The following ZRANB1 variants were observed in gnomAD, a reference collection of about 807,000 sequenced individuals.
The protein encoded by ZRANB1 is ubiquitin thioesterase ZRANB1.
In ZRANB1, 16 loss-of-function variants were observed where a neutral mutation model predicts 80.5. That is an observed-to-expected ratio of 0.20 (90% confidence interval 0.13 to 0.30). The LOEUF (loss-of-function observed/expected upper bound fraction) is 0.30, where lower values mean the gene tolerates loss of function less well. Among genes scored for constraint, ZRANB1 ranks in the 10% least tolerant of loss-of-function variants. ZRANB1 has a pLI of 1.00. For missense variants in ZRANB1, 576 were observed against 862.6 expected, an observed-to-expected ratio of 0.67 and a Z score of 4.16; for synonymous variants, 291 against 293.1, an observed-to-expected ratio of 0.99 and a Z score of 0.07.
At chr10:124,982,044 G>T (rs41303609) in intron 6 of ZRANB1, among the ~76,000 whole-genome samples, 23,921 of 150,482 alleles carry the variant, frequency 0.16, 1,938 homozygotes, top group East Asian at 0.21. Context: ...GATTAGCATC[G>T]CAAGTCCTCA....
intron 4 of ZRANB1, 94 bp from the exon 5 acceptor site, chr10:124,974,106 C>A: frequency 7.7e-7 from 1 of 1,299,412 alleles, no homozygotes; most frequent in Non-Finnish European, 1.1e-6. Context: ...TACATATAAA[C>A]CATTTTATAG....
In ZRANB1 at chr10:124,943,090, C is replaced by T. The variant is rs1241401066; in HGVS notation, c.597C>T (p.Asp199=). The change falls in exon 1 of 9, where the codon GAC becomes GAT. Residue 199 remains aspartate (D), a synonymous_variant. Transcript: ENST00000359653. ...CTTCTTCAATAATAAATGAGCAAGA[C>T]AGAGCTCGATGGAGGGGAAGTTGCA... is the stretch of plus-strand genomic sequence containing the variant. ...EEASSIINEQ[D]RARWRGSCSS... is the part of the protein sequence containing the mutation. 2 of 1,614,032 alleles carry T rather than the reference C, an allele frequency of 1.2e-6. No homozygotes were observed. Among genetic ancestry groups the T allele is most frequent in the African/African-American group, 2.7e-5 (2 of 74,906 alleles).
the ZRANB1 span, among the ~76,000 whole-genome samples, chr10:124,931,883 T>C: frequency 6.6e-6 from 1 of 152,208 alleles, no homozygotes; most frequent in African/African-American, 2.4e-5. Context: ...GTAGATTCTA[T>C]GGGCTTTGAC....
chr10:124,963,550 G>GTTTTTTTTTTTTTTTT (rs1564962032), intron 1 of ZRANB1, among the ~76,000 whole-genome samples: 1 of 75,158 alleles, frequency 1.3e-5, no homozygotes, highest in Non-Finnish European at 2.6e-5. Flanking sequence ...TTTTTTTTTT[G>GTTTTTTTTTTTTTTTT]TTTGTTTTTT....
At chr10:124,976,198 G>C (rs555920803) in intron 5 of ZRANB1, among the ~76,000 whole-genome samples, 44 of 152,314 alleles carry the variant, frequency 2.9e-4, no homozygotes, top group African/African-American at 1.0e-3. Flanking sequence ...GGAGATGGCT[G>C]TCTGGTAGTA....
At chr10:124,970,395 A>G (rs758773620) in intron 2 of ZRANB1, among the ~76,000 whole-genome samples, 3 of 151,956 alleles carry the variant, frequency 2.0e-5, no homozygotes, top group Non-Finnish European at 4.4e-5. Flanking sequence ...AGTAGCTGGG[A>G]CTACTGGTGC....
In ZRANB1 at chr10:124,987,835, T is replaced by C. The variant is rs1340355692; in HGVS notation, c.*2843T>C. The C allele has an allele frequency of 2.0e-5, 3 of 152,230 alleles. No individual in the cohort carries two copies. The highest frequency in any genetic ancestry group is 2.4e-5 in the African/African-American group (1 of 41,460). The allele number at this position is 152,230 out of a possible 1,614,324, so 9.4% of individuals were successfully genotyped here. A position where few individuals can be genotyped will look rare whatever the true frequency, so the allele number is the denominator to read the frequency against. ...TCATACCTGGAATTGTTGGACTTAA[T>C]TGACACTTGCAAATACTTTTAGTAT... On this transcript the variant is annotated 3_prime_UTR_variant, in exon 9 of 9. Transcript: ENST00000359653.
At chr10:124,928,482 A>G in the ZRANB1 span, among the ~76,000 whole-genome samples, 1 of 152,204 alleles carries the variant, frequency 6.6e-6, no homozygotes, top group Non-Finnish European at 1.5e-5. Flanking sequence ...TGTGGTATAT[A>G]TTAGAAGTGT....
At position 124,986,282 on chromosome 10, in the gene ZRANB1, CGCGCG is replaced by C; in HGVS notation, c.*1291_*1295del. The C allele has an allele frequency of 2.3e-4, 1 of 4,396 alleles. No homozygotes were observed. The allele number at this position is 4,396 out of a possible 1,614,324, so 0.3% of individuals were successfully genotyped here. A position where few individuals can be genotyped will look rare whatever the true frequency, so the allele number is the denominator to read the frequency against. ...AATTTGGAAAGACGACACACGCACG[CGCGCG>C]CGCGCACACACACACACACACACAC... On this transcript the variant is annotated 3_prime_UTR_variant, in exon 9 of 9. Coordinates refer to ENST00000359653, the MANE Select transcript of ZRANB1 (RefSeq NM_017580.3).
At chr10:124,930,228 C>CA in the ZRANB1 span, among the ~76,000 whole-genome samples, 2 of 152,108 alleles carry the variant, frequency 1.3e-5, no homozygotes, top group Non-Finnish European at 2.9e-5. Context: ...GACTCAAACT[C>CA]ACATTTTGAA....
chr10:124,963,988 A>G (rs1461104148), intron 1 of ZRANB1, among the ~76,000 whole-genome samples: 1 of 152,246 alleles, frequency 6.6e-6, no homozygotes, highest in East Asian at 1.9e-4. Context: ...CGTGCTGTCA[A>G]AAACTGAGAA....
At chr10:124,935,148 T>C in the ZRANB1 span, among the ~76,000 whole-genome samples, 1 of 152,244 alleles carries the variant, frequency 6.6e-6, no homozygotes, top group African/African-American at 2.4e-5. Flanking sequence ...AATTTTTTAA[T>C]GGGGCTAGAA....
chr10:124,970,589 CTG>C (rs1253066196), intron 2 of ZRANB1, among the ~76,000 whole-genome samples: 3 of 152,156 alleles, frequency 2.0e-5, no homozygotes, highest in African/African-American at 4.8e-5. Flanking sequence ...AGTCAGGTAA[CTG>C]TGCTGGGTAT....
chr10:124,942,667 C>T lies in ZRANB1; in HGVS notation c.174C>T (p.Thr58=), dbSNP rs553373976. ...DVGRDWDPSS[T]EGGSSPLICP... is the part of the protein sequence containing the mutation. ...GTAGAGATTGGGATCCTTCCAGCAC[C>T]GAAGGAGGAAGTAGTCCTTTGATAT... Residue 58 remains threonine (T), a synonymous_variant, in exon 1 of 9, where the codon ACC becomes ACT. Coordinates refer to ENST00000359653, the MANE Select transcript of ZRANB1 (RefSeq NM_017580.3). The T allele has an allele frequency of 1.9e-5, 31 of 1,614,134 alleles. 1 individual carries two copies. Among genetic ancestry groups the T allele is most frequent in the Admixed American group, 1.7e-4 (10 of 60,020 alleles).
chr10:124,970,332 C>T (rs1448972968), intron 2 of ZRANB1, among the ~76,000 whole-genome samples: 1 of 152,108 alleles, frequency 6.6e-6, no homozygotes, highest in Non-Finnish European at 1.5e-5. Context: ...TCATGGCTCA[C>T]TGCAGCCTTG....
the ZRANB1 span, among the ~76,000 whole-genome samples, chr10:124,933,801 T>C: frequency 6.6e-6 from 1 of 152,216 alleles, no homozygotes; most frequent in Non-Finnish European, 1.5e-5. Context: ...GCTCAAGACA[T>C]ACCTGTATTA....
At chr10:124,976,321 A>G (rs1951875970) in intron 5 of ZRANB1, among the ~76,000 whole-genome samples, 1 of 152,072 alleles carries the variant, frequency 6.6e-6, no homozygotes, top group African/African-American at 2.4e-5. Context: ...TGATTTTCTT[A>G]GCTTCCTACT....
chr10:124,985,681 C>CT lies in ZRANB1; in HGVS notation c.*692dup, dbSNP rs1316040350. 6.6e-6 allele frequency: 1 copy of CT among 152,590 alleles called. No individual in the cohort carries two copies. 9.5% of individuals were successfully genotyped at this position (152,590 alleles called of 1,614,324 possible). On this transcript the variant is annotated 3_prime_UTR_variant, in exon 9 of 9. Transcript: ENST00000359653. ...GTCTTTAAGTTTTCTGATATGCCCC[C>CT]TTTCAATATTTAGATATTTATTTGT...
At chr10:124,978,341 T>G (rs1050136876) in intron 5 of ZRANB1, among the ~76,000 whole-genome samples, 1 of 152,198 alleles carries the variant, frequency 6.6e-6, no homozygotes, top group Admixed American at 6.5e-5. Flanking sequence ...TGAAATCAGC[T>G]GGAGTGAGAT....
Sources: allele counts gnomAD v4.1 joint callset (sites outside exome capture counted in the v4.1 genomes callset), GRCh38; gene constraint gnomAD v4.1.1; transcripts MANE v1.5; gene names NCBI Gene and HGNC (gene_info 2026-07-23, HGNC 2026-07-21).